The following CDK6 variants were observed in gnomAD, a reference collection of about 807,000 sequenced individuals.
CDK6 encodes cyclin dependent kinase 6, also known as cyclin-dependent kinase 6.
A neutral mutation model predicts 37.1 loss-of-function variants in CDK6; 6 were observed. That is an observed-to-expected ratio of 0.16 (90% CI 0.09 to 0.32). The LOEUF (loss-of-function observed/expected upper bound fraction) is 0.32. CDK6 is among the 10% of genes least tolerant of loss of function. CDK6 has a pLI of 1.00. For missense variants in CDK6, 224 were observed against 418.9 expected, an observed-to-expected ratio of 0.53 and a Z score of 4.06; for synonymous variants, 160 against 161.3, an observed-to-expected ratio of 0.99 and a Z score of 0.06.
chr7:92,752,999 A>C (rs1799221429), intron 3 of CDK6, among the ~76,000 whole-genome samples: 1 of 152,152 alleles, frequency 6.6e-6, no homozygotes, highest in Admixed American at 6.5e-5. Flanking sequence ...AAGCAAGCCT[A>C]ATTTATTTAC....
At chr7:92,670,910 G>A (rs1389130411) in intron 5 of CDK6, among the ~76,000 whole-genome samples, 1 of 152,154 alleles carries the variant, frequency 6.6e-6, no homozygotes, top group Non-Finnish European at 1.5e-5. Flanking sequence ...TATAGTACCT[G>A]AATATATCTA....
chr7:92,711,402 C>T (rs1418556484), intron 4 of CDK6, among the ~76,000 whole-genome samples: 2 of 151,986 alleles, frequency 1.3e-5, no homozygotes, highest in Non-Finnish European at 2.9e-5. Flanking sequence ...TCCACATCCA[C>T]CCTCATGCAC....
At chr7:92,812,862 C>T (rs1800921851) in intron 2 of CDK6, among the ~76,000 whole-genome samples, 1 of 152,194 alleles carries the variant, frequency 6.6e-6, no homozygotes, top group Non-Finnish European at 1.5e-5. Flanking sequence ...TTTCTAAAAA[C>T]ATATATAAAG....
chr7:92,648,126 C>T (rs1415184703), intron 5 of CDK6, among the ~76,000 whole-genome samples: 1 of 151,972 alleles, frequency 6.6e-6, no homozygotes, highest in Admixed American at 6.6e-5. Flanking sequence ...TGTGTTCGTG[C>T]GTGCTTGCAG....
intron 2 of CDK6, among the ~76,000 whole-genome samples, chr7:92,827,476 C>T (rs919137159): frequency 1.3e-5 from 2 of 152,148 alleles, no homozygotes; most frequent in African/African-American, 4.8e-5. Context: ...CGGTTCACCT[C>T]TCAGGCAAGA....
intron 4 of CDK6, among the ~76,000 whole-genome samples, chr7:92,686,034 A>G (rs1207189945): frequency 1.3e-5 from 2 of 152,346 alleles, no homozygotes; most frequent in East Asian, 1.9e-4. Flanking sequence ...TAGAATTGCA[A>G]TAAAGCCAAC....
At chr7:92,794,425 G>A (rs1446978129) in intron 2 of CDK6, among the ~76,000 whole-genome samples, 1 of 152,002 alleles carries the variant, frequency 6.6e-6, no homozygotes, top group African/African-American at 2.4e-5. Flanking sequence ...CCCATCCCAT[G>A]GCTTATTAGG....
At chr7:92,667,771 C>T (rs1213170596) in intron 5 of CDK6, among the ~76,000 whole-genome samples, 4 of 151,888 alleles carry the variant, frequency 2.6e-5, no homozygotes, top group Non-Finnish European at 4.4e-5. Context: ...AGGCTGGTCT[C>T]GAACTCCAGA....
At chr7:92,809,214 C>T (rs1800811017) in intron 2 of CDK6, among the ~76,000 whole-genome samples, 1 of 152,060 alleles carries the variant, frequency 6.6e-6, no homozygotes, top group South Asian at 2.1e-4. Context: ...CATGGAGAAA[C>T]TCTCAATAGC....
rs559929177 is a variant in CDK6, at chr7:92,814,450, T to C, written c.233+18641A>G. 1.1e-4 allele frequency among the ~76,000 whole-genome samples: 16 copies of C among 151,792 alleles called. 1 individual carries two copies. In the South Asian group the frequency reaches 3.3e-3, roughly 32 times the overall value. On this transcript the variant is annotated intron_variant, in intron 2 of 7. Transcript: ENST00000424848. ...TCCTTGGTTCACATGCCCTTTGACA[T>C]TACCCAAATTTAAGAACTGCTGCAT...
At chr7:92,671,143 T>C (rs1371675361) in intron 5 of CDK6, 1 of 247,344 alleles carries the variant, frequency 4.0e-6, no homozygotes, top group Non-Finnish European at 7.7e-6. Flanking sequence ...TGTGTTATTT[T>C]CACCATGTCC....
In CDK6 at chr7:92,684,073, T is replaced by C. The variant is rs1369477520; in HGVS notation, c.538-12538A>G. Among the ~76,000 whole-genome samples the C allele has an allele frequency of 2.0e-5, 3 of 152,234 alleles. No homozygotes were observed. The East Asian group carries it at 5.8e-4, about 29-fold the overall frequency. ...GCACAGAAGATGTAATGTACTGCGC[T>C]GAATTAACTTTATCTGTTGTCTTAT... On this transcript the variant is annotated intron_variant, in intron 4 of 7. Transcript: ENST00000424848.
At chr7:92,774,315 T>C (rs1263685270) in intron 3 of CDK6, among the ~76,000 whole-genome samples, 1 of 152,230 alleles carries the variant, frequency 6.6e-6, no homozygotes, top group Non-Finnish European at 1.5e-5. Context: ...TCATGAATAA[T>C]GTTCAAATTA....
chr7:92,719,641 C>T (rs1276604002), intron 4 of CDK6, among the ~76,000 whole-genome samples: 1 of 152,118 alleles, frequency 6.6e-6, no homozygotes, highest in African/African-American at 2.4e-5. Flanking sequence ...GAATGTTTCT[C>T]TAAACTATAC....
intron 4 of CDK6, among the ~76,000 whole-genome samples, chr7:92,694,816 T>C (rs1479019802): frequency 6.6e-6 from 1 of 152,156 alleles, no homozygotes; most frequent in African/African-American, 2.4e-5. Context: ...GTCTCTGAAA[T>C]AGAAAATTAT....
At chr7:92,723,910 CAAA>C (rs576591781) in intron 4 of CDK6, among the ~76,000 whole-genome samples, 3 of 83,728 alleles carry the variant, frequency 3.6e-5, no homozygotes, top group Admixed American at 1.3e-4. Context: ...ATTTAATAAG[CAAA>C]AAAAAAAAAA....
intron 2 of CDK6, among the ~76,000 whole-genome samples, chr7:92,832,269 C>G (rs1271663751): frequency 6.6e-6 from 1 of 152,170 alleles, no homozygotes; most frequent in Non-Finnish European, 1.5e-5. Flanking sequence ...ATACTGGTTA[C>G]CACACAGGAG....
chr7:92,774,979 T>C, intron 2 of CDK6, 148 bp from the exon 3 acceptor site: 1 of 678,050 alleles, frequency 1.5e-6, no homozygotes. Context: ...AGATATCAAA[T>C]GAGATCTGAT....
chr7:92,725,528 C>A (rs1383047713), intron 4 of CDK6, 98 bp downstream of exon 4: 1 of 1,294,068 alleles, frequency 7.7e-7, no homozygotes, highest in Admixed American at 2.3e-5. Context: ...ACCAACTAGT[C>A]ATGGGCAGTA....
Sources: allele counts gnomAD v4.1 joint callset (sites outside exome capture counted in the v4.1 genomes callset), GRCh38; gene constraint gnomAD v4.1.1; transcripts MANE v1.5; gene names NCBI Gene and HGNC (gene_info 2026-07-23, HGNC 2026-07-21).